The following CD163L1 variants were observed in gnomAD, a reference collection of about 807,000 sequenced individuals.
The protein encoded by CD163L1 is scavenger receptor cysteine-rich type 1 protein M160.
A neutral mutation model predicts 165.4 loss-of-function variants in CD163L1; 124 were observed. The observed-to-expected ratio is 0.75, with a 90% CI of 0.65 to 0.87. The LOEUF is 0.87. CD163L1 is among the 40% of genes least tolerant of loss of function. CD163L1 has a pLI of 0.00. For missense variants in CD163L1, 1,525 were observed against 1,799.9 expected (o/e 0.85, Z 2.76); for synonymous variants, 585 against 662.2 (o/e 0.88, Z 1.79).
chr12:7,438,613 C>T (rs1948771405), intron 2 of CD163L1, among the ~76,000 whole-genome samples: 1 of 152,162 alleles, frequency 6.6e-6, no homozygotes. Context: ...AGAAACAAAC[C>T]AGAGACTAAG....
At chr12:7,367,191 A>G in intron 18 of CD163L1, 45 bp downstream of exon 18, 1 of 1,215,946 alleles carries the variant, frequency 8.2e-7, no homozygotes, top group Non-Finnish European at 1.2e-6. Context: ...ATTTCCTCAT[A>G]TTCCCACCCT....
chr12:7,437,670 CTTTT>C (rs199974619), intron 2 of CD163L1, among the ~76,000 whole-genome samples: 6 of 132,822 alleles, frequency 4.5e-5, no homozygotes, highest in African/African-American at 1.4e-4. Context: ...TGAACTCATC[CTTTT>C]TTTTTTTTTT....
intron 8 of CD163L1, among the ~76,000 whole-genome samples, chr12:7,385,247 CTG>C (rs1947491719): frequency 1.4e-5 from 2 of 138,678 alleles, no homozygotes; most frequent in South Asian, 4.4e-4. Flanking sequence ...AAGTTAAAAA[CTG>C]TAAAAAAAAA....
In CD163L1 at chr12:7,403,781, C is replaced by G. The variant is rs1228201977; in HGVS notation, c.1162G>C (p.Glu388Gln). 1.2e-6 allele frequency: 2 copies of G among 1,613,894 alleles called. No individual in the cohort carries two copies. Among genetic ancestry groups the G allele is most frequent in the Non-Finnish European group, 1.7e-6 (2 of 1,179,928 alleles). The change falls in exon 6 of 20, where the codon GAA becomes CAA. Residue 388 changes from glutamate (E) to glutamine (Q), a missense_variant. Physicochemically the swap from Glu to Gln is conservative, Grantham distance 29 (BLOSUM62 2). Coordinates refer to ENST00000313599, the MANE Select transcript of CD163L1 (RefSeq NM_174941.6). The part of the protein sequence containing the change: ...CSGRVEVRIH[E>Q]QWWTICDQNW... Reference sequence around the variant, plus strand: ...TGGTCACATATTGTCCACCACTGTTCATGAATTCTCACCTCTACTCTCCCT... The same window carrying G: ...TGGTCACATATTGTCCACCACTGTTGATGAATTCTCACCTCTACTCTCCCT...
At chr12:7,415,212 C>A (rs1425625952) in intron 4 of CD163L1, among the ~76,000 whole-genome samples, 1 of 151,968 alleles carries the variant, frequency 6.6e-6, no homozygotes, top group Non-Finnish European at 1.5e-5. Flanking sequence ...TATAACAGAT[C>A]TGCATTTCAT....
rs112724083 is a variant in CD163L1 at position 7,432,358 on chromosome 12, T to C, written c.766+58A>G. 6 of 1,311,416 alleles carry C rather than the reference T, an allele frequency of 4.6e-6. No homozygotes were observed. The highest frequency in any genetic ancestry group is 4.3e-6 in the Non-Finnish European group (4 of 935,456). The allele number at this position is 1,311,416 out of a possible 1,614,324, so 81.2% of individuals were successfully genotyped here. A position where few individuals can be genotyped will look rare whatever the true frequency, so the allele number is the denominator to read the frequency against. ...AGAATGATTGACCTTTTTCTTTCCA[T>C]ACATACTGTTTCTAAACAAATTGTT... On this transcript the variant is annotated intron_variant, in intron 4 of 19. Coordinates refer to ENST00000313599, the MANE Select transcript of CD163L1 (RefSeq NM_174941.6). The surrounding 1 kb of genome is among the most constrained non-coding windows in gnomAD (Gnocchi z 4.2).
the CD163L1 span, among the ~76,000 whole-genome samples, chr12:7,333,468 A>G: frequency 2.0e-5 from 3 of 152,210 alleles, no homozygotes; most frequent in African/African-American, 7.2e-5. Context: ...ACATACCAGA[A>G]TCTCTGGGAC....
In CD163L1 at chr12:7,398,492, A is replaced by T. The variant is rs771439290; in HGVS notation, c.1501T>A (p.Cys501Ser). Residue 501 changes from cysteine (C) to serine (S), a missense_variant, in exon 7 of 20, where the codon TGT (cysteine) becomes AGT (serine). By Grantham distance (112) the Cys-to-Ser change is moderately radical (BLOSUM62 -1). Coordinates refer to ENST00000313599, the MANE Select transcript of CD163L1 (RefSeq NM_174941.6). The surrounding 1 kb of genome is among the most constrained non-coding windows in gnomAD (Gnocchi z 4.5). The stretch of plus-strand genomic sequence containing the variant: ...TTCCTTGTGCTCCATCTGTCATGAC[A>T]CACAGTCCCCCACTCTCCTTGGTAT... ...VKYQGEWGTV[C>S]HDRWSTRNAA... is the part of the protein sequence containing the mutation. 1.2e-6 allele frequency: 2 copies of T among 1,614,058 alleles called. No individual in the cohort carries two copies. Among genetic ancestry groups the T allele is most frequent in the East Asian group, 2.2e-5 (1 of 44,862 alleles).
At position 7,347,572 on chromosome 12, in the gene CD163L1, G is replaced by A. The variant is rs1358668394; in HGVS notation, c.*25-425C>T. Among the ~76,000 whole-genome samples, 1 of 152,046 alleles carries A rather than the reference G, an allele frequency of 6.6e-6. No individual in the cohort carries two copies. Among genetic ancestry groups the A allele is most frequent in the African/African-American group, 2.4e-5 (1 of 41,426 alleles). The stretch of plus-strand genomic sequence containing the variant: ...AGGCAGGTGGATCACGAGGTCAGGA[G>A]ATCGAGACCACGTTGAAACCCCGTC... On this transcript the variant is annotated intron_variant, in intron 4 of 4. Coordinates refer to the CD163L1 transcript ENST00000539726. The surrounding 1 kb of genome is among the most constrained non-coding windows in gnomAD (Gnocchi z 4.2).
At chr12:7,430,684 T>C (rs1307683079) in intron 4 of CD163L1, among the ~76,000 whole-genome samples, 1 of 152,138 alleles carries the variant, frequency 6.6e-6, no homozygotes, top group Non-Finnish European at 1.5e-5. Context: ...CATCATAGCA[T>C]ATGAATAGGA....
intron 4 of CD163L1, among the ~76,000 whole-genome samples, chr12:7,413,091 CA>C (rs111943372): frequency 4.2e-3 from 165 of 39,516 alleles, no homozygotes; most frequent in Middle Eastern, 0.026. Context: ...GACTCCATCT[CA>C]AAAAAAAAAA....
At position 7,421,588 on chromosome 12, in the gene CD163L1, CATAT is replaced by C. The variant is rs1565810661; in HGVS notation, c.766+10824_766+10827del. On this transcript the variant is annotated intron_variant, in intron 4 of 19. Transcript: ENST00000313599. Reference sequence around the variant, plus strand: ...GTACATATATACATGTACATATATACATATACATATATGTACACATATACATATA... The same window carrying C: ...GTACATATATACATGTACATATATACACATATATGTACACATATACATATA... Among the ~76,000 whole-genome samples, 108 of 91,630 alleles carry C rather than the reference CATAT, an allele frequency of 1.2e-3. 2 individuals carry two copies. The highest frequency in any genetic ancestry group is 4.7e-3 in the African/African-American group (106 of 22,346). 60.1% of individuals were successfully genotyped at this position (91,630 alleles called of 152,430 possible).
intron 2 of CD163L1, among the ~76,000 whole-genome samples, chr12:7,433,934 G>T (rs1349991828): frequency 6.6e-6 from 1 of 152,108 alleles, no homozygotes. Context: ...TAAAAGAAGG[G>T]AAAGAATTTT....
intron 18 of CD163L1, among the ~76,000 whole-genome samples, chr12:7,358,041 A>G (rs150323172): frequency 6.6e-6 from 1 of 152,230 alleles, no homozygotes; most frequent in African/African-American, 2.4e-5. Context: ...CATAACAAGA[A>G]AAAAGGTGAA....
Position 7,398,535 on chromosome 12 carries a change from A to G in CD163L1, c.1458T>C (p.Tyr486=), listed in dbSNP as rs148659496. 43 of 1,610,716 alleles carry G rather than the reference A, an allele frequency of 2.7e-5. No homozygotes were observed. In the African/African-American group the frequency reaches 4.8e-4, roughly 18 times the overall value. ...CTTGGTATTTCACCTCCAATCTCCC[A>G]TAACAGGGGCTATGAGCCCCGACAA... is the stretch of plus-strand genomic sequence containing the variant. The part of the protein sequence containing the change: ...LRLVGAHSPC[Y]GRLEVKYQGE... Residue 486 remains tyrosine, a synonymous_variant, in exon 7 of 20, where the codon TAT becomes TAC. Transcript: ENST00000313599. This position sits in a 1 kb window ranked among gnomAD's most constrained non-coding sequence, Gnocchi z 4.5.
downstream of CD163L1, among the ~76,000 whole-genome samples, chr12:7,346,081 T>G (rs2136359768): frequency 6.6e-6 from 1 of 152,222 alleles, no homozygotes; most frequent in Admixed American, 6.5e-5. Context: ...CCAAACCATA[T>G]GACCAATTTA....
downstream of CD163L1, among the ~76,000 whole-genome samples, chr12:7,350,205 G>A (rs542460030): frequency 1.3e-5 from 2 of 152,146 alleles, no homozygotes; most frequent in Non-Finnish European, 2.9e-5. Context: ...CAGAAGCTGG[G>A]TTGTAGTCAG....
intron 4 of CD163L1, among the ~76,000 whole-genome samples, chr12:7,421,387 T>TAC (rs1472328004): frequency 5.7e-4 from 50 of 87,352 alleles, no homozygotes; most frequent in Non-Finnish European, 8.4e-4. Flanking sequence ...ATTTGGAAGA[T>TAC]ATATATGTAT....
At position 7,398,543 on chromosome 12, in the gene CD163L1, G is replaced by A. The variant is rs766649452; in HGVS notation, c.1450C>T (p.Pro484Ser). ...TTCACCTCCAATCTCCCATAACAGG[G>A]GCTATGAGCCCCGACAAGCCTTAGG... Reference protein sequence around the residue: ...LDLRLVGAHSPCYGRLEVKYQ... With the variant: ...LDLRLVGAHSSCYGRLEVKYQ... The change falls in exon 7 of 20, where the codon CCC (proline) becomes TCC (serine). Residue 484 changes from proline (P) to serine (S), a missense_variant. Pro to Ser is a moderately conservative substitution (Grantham distance 74). Coordinates refer to ENST00000313599, the MANE Select transcript of CD163L1 (RefSeq NM_174941.6). This position sits in a 1 kb window ranked among gnomAD's most constrained non-coding sequence, Gnocchi z 4.5. 2 of 1,606,812 alleles carry A rather than the reference G, an allele frequency of 1.2e-6. No homozygotes were observed. Among genetic ancestry groups the A allele is most frequent in the South Asian group, 1.1e-5 (1 of 89,826 alleles).
Sources: gnomAD v4.1 joint callset for allele counts (sites outside exome capture counted in the v4.1 genomes callset) on GRCh38, gnomAD v4.1.1 for gene constraint, Gnocchi (gnomAD v3.1) non-coding constraint, MANE v1.5 for transcripts, NCBI Gene and HGNC (gene_info 2026-07-23, HGNC 2026-07-21) for gene names.